The following AKAP13 variants were observed in gnomAD, a reference collection of about 807,000 sequenced individuals.
AKAP13 encodes the protein A-kinase anchoring protein 13.
AKAP13 carries 80 observed loss-of-function variants against 264.5 expected under a neutral mutation model. That is an observed-to-expected ratio of 0.30 (90% confidence interval 0.25 to 0.36). AKAP13 has a LOEUF of 0.36. Ranked by LOEUF, AKAP13 falls within the 10% of genes least tolerant of loss-of-function variation. AKAP13 has a pLI of 1.00. For missense variants in AKAP13, 3,712 were observed against 3,435.2 expected, an observed-to-expected ratio of 1.08 and a Z score of -2.01; for synonymous variants, 1,380 against 1,250.2, an observed-to-expected ratio of 1.10 and a Z score of -2.19.
intron 4 of AKAP13, among the ~76,000 whole-genome samples, chr15:85,543,562 A>G (rs1425570865): frequency 6.6e-6 from 1 of 151,998 alleles, no homozygotes; most frequent in Non-Finnish European, 1.5e-5. Context: ...TGCTTCCTAT[A>G]CTTTCTATGC....
intron 4 of AKAP13, chr15:85,534,915 G>A (rs946545364): frequency 2.0e-5 from 3 of 152,144 alleles, no homozygotes; most frequent in Non-Finnish European, 4.4e-5. Flanking sequence ...TCCCTTCTGA[G>A]TTCAAGTCCA....
intron 2 of AKAP13, among the ~76,000 whole-genome samples, chr15:85,504,581 A>G (rs979393468): frequency 5.5e-5 from 8 of 146,030 alleles, no homozygotes; most frequent in African/African-American, 7.7e-5. Context: ...AGTCCCAGCT[A>G]TTTGGGAGGC....
chr15:85,641,026 C>T (rs961514369), intron 9 of AKAP13, among the ~76,000 whole-genome samples: 2 of 152,126 alleles, frequency 1.3e-5, no homozygotes, highest in Non-Finnish European at 1.5e-5. Context: ...TGCTACTGAG[C>T]TTCAGACCTG....
rs1297163404 is a variant in AKAP13 at position 85,385,950 on chromosome 15, C to G, written c.-12+5152C>G. Among the ~76,000 whole-genome samples the G allele has an allele frequency of 2.6e-5, 4 of 151,638 alleles. No homozygotes were observed. In the East Asian group the frequency reaches 7.8e-4, roughly 30 times the overall value. On this transcript the variant is annotated intron_variant, in intron 1 of 36. Coordinates refer to ENST00000394518, the MANE Select transcript of AKAP13 (RefSeq NM_007200.5). ...AAGTGATTCTCCTGCCTTAACCTCC[C>G]GAGTAGCTGGGATTACAGGCACACA...
intron 32 of AKAP13, 43 bp downstream of exon 32, chr15:85,735,673 C>T (rs757909398): frequency 6.5e-7 from 1 of 1,544,806 alleles, no homozygotes; most frequent in Non-Finnish European, 8.8e-7. Flanking sequence ...TTGGCACTTT[C>T]CTCTGAATTC....
At chr15:85,732,080 C>CAAAAA (rs34426976) in intron 30 of AKAP13, among the ~76,000 whole-genome samples, 1 of 114,572 alleles carries the variant, frequency 8.7e-6, no homozygotes. Flanking sequence ...GAGACTATCT[C>CAAAAA]AAAAAAAAAA....
At chr15:85,467,789 T>G (rs1220432673) in intron 1 of AKAP13, among the ~76,000 whole-genome samples, 1 of 152,220 alleles carries the variant, frequency 6.6e-6, no homozygotes, top group Non-Finnish European at 1.5e-5. Context: ...ATGGGACATT[T>G]CAGGGGTTGA....
chr15:85,671,194 C>G (rs901183746), intron 14 of AKAP13, among the ~76,000 whole-genome samples: 1 of 151,484 alleles, frequency 6.6e-6, no homozygotes, highest in Non-Finnish European at 1.5e-5. Flanking sequence ...AAGCAGATGC[C>G]CTATATTCAT....
At chr15:85,479,815 T>G (rs1018959609) in intron 1 of AKAP13, among the ~76,000 whole-genome samples, 1 of 152,220 alleles carries the variant, frequency 6.6e-6, no homozygotes, top group African/African-American at 2.4e-5. Flanking sequence ...AGGCTTCTCT[T>G]GTAGCATGTG....
At chr15:85,648,999 A>G (rs1365639512) in intron 10 of AKAP13, among the ~76,000 whole-genome samples, 2 of 152,122 alleles carry the variant, frequency 1.3e-5, no homozygotes, top group Non-Finnish European at 2.9e-5. Flanking sequence ...TGCTGTACCA[A>G]AGTAGCCTGT....
intron 13 of AKAP13, among the ~76,000 whole-genome samples, chr15:85,668,209 A>G (rs1037869772): frequency 7.9e-5 from 12 of 152,238 alleles, no homozygotes; most frequent in African/African-American, 2.9e-4. Flanking sequence ...ATGGTTACAC[A>G]TGAAACAAGC....
chr15:85,684,866 A>G lies in AKAP13; in HGVS notation c.5282A>G (p.Lys1761Arg). The change falls in exon 16 of 37, where the codon AAG (lysine) becomes AGG (arginine). Residue 1761 changes from lysine to arginine, a missense_variant. Transcript: ENST00000394518. ...AAGAATAAAATGTCTAGCAGCAAGA[A>G]GAGCAAAGTGAGTATCACTGTGGGC... ...YIKNKMSSSK[K>R]SKEKEKEKDK... 6.2e-7 allele frequency: 1 copy of G among 1,613,888 alleles called. No homozygotes were observed.
chr15:85,528,346 T>G (rs1330556891), intron 3 of AKAP13, among the ~76,000 whole-genome samples: 4 of 152,200 alleles, frequency 2.6e-5, no homozygotes, highest in Non-Finnish European at 5.9e-5. Context: ...CTTAATTTTT[T>G]TAGTTCTATA....
chr15:85,555,498 A>G, intron 5 of AKAP13: 1 of 1,268,146 alleles, frequency 7.9e-7, no homozygotes. Flanking sequence ...ATGTGTGAGT[A>G]TCAGCTTCCA....
intron 5 of AKAP13, among the ~76,000 whole-genome samples, chr15:85,573,980 A>G (rs1318566026): frequency 6.6e-6 from 1 of 152,190 alleles, no homozygotes; most frequent in African/African-American, 2.4e-5. Context: ...AGATTATAAT[A>G]TCTGTGTTTG....
At chr15:85,437,447 G>A (rs1036567819) in intron 1 of AKAP13, among the ~76,000 whole-genome samples, 1 of 151,758 alleles carries the variant, frequency 6.6e-6, no homozygotes, top group Non-Finnish European at 1.5e-5. Flanking sequence ...AGAAAAAGAG[G>A]GAATCCTCCC....
At chr15:85,613,707 TATATATTA>T (rs1483345174) in intron 8 of AKAP13, among the ~76,000 whole-genome samples, 15 of 125,200 alleles carry the variant, frequency 1.2e-4, no homozygotes, top group African/African-American at 1.8e-4. Context: ...TATATATATA[TATATATTA>T]GGAGTGCTGA....
intron 9 of AKAP13, among the ~76,000 whole-genome samples, chr15:85,644,607 T>C (rs2082463639): frequency 6.9e-6 from 1 of 145,448 alleles, no homozygotes; most frequent in African/African-American, 2.6e-5. Context: ...CCCAGCACTT[T>C]GGGAGGCTGA....
chr15:85,396,901 CTTT>C lies in AKAP13; in HGVS notation c.-12+16122_-12+16124del, dbSNP rs34499592. On this transcript the variant is annotated intron_variant, in intron 1 of 36. Transcript: ENST00000394518. ...TTTTTGAGTCCTCTCGTATGTTAGA[CTTT>C]TTTTTTTTTTTTTTTTTTAAGATAA... is the stretch of plus-strand genomic sequence containing the variant. 2.1e-4 allele frequency among the ~76,000 whole-genome samples: 24 copies of C among 114,602 alleles called. No individual in the cohort carries two copies. In the East Asian group the frequency reaches 3.8e-3, roughly 18 times the overall value. 75.2% of individuals were successfully genotyped at this position (114,602 alleles called of 152,430 possible).
Sources: gnomAD v4.1 joint callset for allele counts (sites outside exome capture counted in the v4.1 genomes callset) on GRCh38, gnomAD v4.1.1 for gene constraint, MANE v1.5 for transcripts, NCBI Gene and HGNC (gene_info 2026-07-23, HGNC 2026-07-21) for gene names.